The following SLC71A1 variants were observed in gnomAD, a reference collection of about 807,000 sequenced individuals.
The protein encoded by SLC71A1 is hippocampus abundant gene transcript 1.
the SLC71A1 span, among the ~76,000 whole-genome samples, chr1:100,053,542 T>G: frequency 6.6e-6 from 1 of 152,210 alleles, no homozygotes; most frequent in African/African-American, 2.4e-5. Context: ...ATATCATAGT[T>G]TGTTTCAGCA....
At chr1:100,051,114 C>T in the SLC71A1 span, among the ~76,000 whole-genome samples, 9 of 150,844 alleles carry the variant, frequency 6.0e-5, no homozygotes, top group South Asian at 4.2e-4. Flanking sequence ...AAAAAACAGC[C>T]GGGCGCGGTG....
the SLC71A1 span, among the ~76,000 whole-genome samples, chr1:100,047,907 AT>A: frequency 6.6e-6 from 1 of 152,206 alleles, no homozygotes; most frequent in Non-Finnish European, 1.5e-5. Context: ...AAGCATGCTT[AT>A]TAGAAAAGAT....
chr1:100,041,489 T>C, the SLC71A1 span, among the ~76,000 whole-genome samples: 1 of 152,240 alleles, frequency 6.6e-6, no homozygotes, highest in South Asian at 2.1e-4. Context: ...AGAGCAATTG[T>C]TCTGTTTGAA....
chr1:100,083,353 T>C, the SLC71A1 span: 1 of 152,480 alleles, frequency 6.6e-6, no homozygotes, highest in Admixed American at 6.5e-5. Flanking sequence ...AAGTTAAATA[T>C]TTTAATGATT....
the SLC71A1 span, chr1:100,080,592 T>A: frequency 6.2e-7 from 1 of 1,614,014 alleles, no homozygotes; most frequent in Non-Finnish European, 8.5e-7. Flanking sequence ...CATGTGGAAC[T>A]TAAAGAACTG....
chr1:100,072,200 A>G, the SLC71A1 span, among the ~76,000 whole-genome samples: 469 of 152,302 alleles, frequency 3.1e-3, no homozygotes, highest in African/African-American at 0.011. Context: ...TCCCCTGTTG[A>G]CCTTCCATAC....
At chr1:100,080,846 T>C in the SLC71A1 span, among the ~76,000 whole-genome samples, 1 of 152,222 alleles carries the variant, frequency 6.6e-6, no homozygotes, top group South Asian at 2.1e-4. Flanking sequence ...GCATATTTTT[T>C]TTCCACTTGA....
the SLC71A1 span, chr1:100,081,879 A>G: frequency 7.1e-6 from 5 of 708,006 alleles, no homozygotes; most frequent in African/African-American, 1.8e-5. Flanking sequence ...TTTTATAATT[A>G]TGGCTTTAAT....
chr1:100,064,004 AC>A, the SLC71A1 span, among the ~76,000 whole-genome samples: 2 of 152,164 alleles, frequency 1.3e-5, no homozygotes, highest in Admixed American at 1.3e-4. Context: ...CCCTTTCCCC[AC>A]ACTTGTGCCA....
chr1:100,041,508 A>G, the SLC71A1 span, among the ~76,000 whole-genome samples: 3 of 152,258 alleles, frequency 2.0e-5, no homozygotes, highest in Non-Finnish European at 2.9e-5. Flanking sequence ...AAAACAGCAT[A>G]AGTAACTAAA....
chr1:100,082,203 T>C, the SLC71A1 span: 8 of 1,613,518 alleles, frequency 5.0e-6, no homozygotes, highest in South Asian at 6.6e-5. Flanking sequence ...AGGACACAAA[T>C]GTGTGACGAC....
chr1:100,038,784 G>A, the SLC71A1 span, among the ~76,000 whole-genome samples: 1 of 152,252 alleles, frequency 6.6e-6, no homozygotes, highest in Non-Finnish European at 1.5e-5. Flanking sequence ...CTGGCGCGGG[G>A]ATCCCGCTGC....
the SLC71A1 span, among the ~76,000 whole-genome samples, chr1:100,040,830 G>GT: frequency 6.6e-6 from 1 of 152,068 alleles, no homozygotes; most frequent in Admixed American, 6.6e-5. Flanking sequence ...TTAATTCATC[G>GT]TATCATAGAA....
the SLC71A1 span, among the ~76,000 whole-genome samples, chr1:100,081,505 TGG>T: frequency 2.0e-5 from 3 of 152,168 alleles, no homozygotes; most frequent in Admixed American, 2.0e-4. Flanking sequence ...CCCGGGTAGC[TGG>T]GATTACAGGC....
At chr1:100,043,252 T>C in the SLC71A1 span, 5 of 909,308 alleles carry the variant, frequency 5.5e-6, no homozygotes, top group Middle Eastern at 5.7e-4. Context: ...CAAGTCTGTA[T>C]GATTTAAAAG....
chr1:100,078,336 C>T, the SLC71A1 span: 4 of 665,130 alleles, frequency 6.0e-6, no homozygotes, highest in Non-Finnish European at 1.0e-5. Flanking sequence ...TAAGCAAGTT[C>T]AGTTCTCCTT....
chr1:100,083,202 TTTGTAAAAA>T, the SLC71A1 span: 7 of 152,654 alleles, frequency 4.6e-5, no homozygotes, highest in Non-Finnish European at 2.9e-5. Flanking sequence ...AAAGTGTTAC[TTTGTAAAAA>T]TTGTATATAA....
the SLC71A1 span, among the ~76,000 whole-genome samples, chr1:100,064,899 T>C: frequency 6.6e-6 from 1 of 152,054 alleles, no homozygotes; most frequent in African/African-American, 2.4e-5. Context: ...AATTTTTTTC[T>C]TTTTGAGACA....
chr1:100,068,445 A>C, the SLC71A1 span: 1 of 1,426,264 alleles, frequency 7.0e-7, no homozygotes, highest in Non-Finnish European at 9.9e-7. Flanking sequence ...AGAAAACCTT[A>C]TATCAATCAG....
Sources: gnomAD v4.1 joint callset for allele counts (sites outside exome capture counted in the v4.1 genomes callset) on GRCh38, gnomAD v4.1.1 for gene constraint, MANE v1.5 for transcripts, NCBI Gene and HGNC (gene_info 2026-07-23, HGNC 2026-07-21) for gene names.